CCNF: variants seen among roughly 807,000 people sequenced by gnomAD.
CCNF encodes the protein cyclin-F.
A neutral mutation model predicts 85.4 loss-of-function variants in CCNF; 30 were observed. The observed-to-expected ratio is 0.35, with a 90% CI of 0.26 to 0.48. CCNF has a LOEUF of 0.48. Ranked by LOEUF, CCNF falls within the 20% of genes least tolerant of loss-of-function variation. CCNF has a pLI of 0.99. For missense variants in CCNF, 919 were observed against 1,010.4 expected (o/e 0.91, Z 1.23); for synonymous variants, 439 against 425.1 (o/e 1.03, Z -0.40).
Position 2,438,065 on chromosome 16 carries a change from T to A in CCNF, c.541-5T>A, listed in dbSNP as rs2065301094. 1.2e-6 allele frequency: 2 copies of A among 1,607,342 alleles called. No homozygotes were observed. The highest frequency in any genetic ancestry group is 1.7e-6 in the Non-Finnish European group (2 of 1,173,878). ...AAATCACACTTCTTTCTCCTTTTTT[T>A]AAAGACTCACAAAGCATCCATATTG... On this transcript the variant is annotated splice_region_variant and splice_polypyrimidine_tract_variant and intron_variant, in intron 5 of 16. Coordinates refer to ENST00000397066, the MANE Select transcript of CCNF (RefSeq NM_001761.3).
chr16:2,457,171 G>A lies in CCNF; in HGVS notation c.*151G>A, dbSNP rs1463271523. The A allele has an allele frequency of 1.0e-5, 6 of 596,556 alleles. No individual in the cohort carries two copies. Among genetic ancestry groups the A allele is most frequent in the Middle Eastern group, 4.4e-4 (1 of 2,282 alleles). 37.0% of individuals were successfully genotyped at this position (596,556 alleles called of 1,614,324 possible). ...GCGGCCACCAAGTTTCTGTCTCCGCGGGAGTCCCGTGCAAGCCATCAGAAT... is the reference window on the plus strand; with the variant it reads ...GCGGCCACCAAGTTTCTGTCTCCGCAGGAGTCCCGTGCAAGCCATCAGAAT... On this transcript the variant is annotated 3_prime_UTR_variant, in exon 17 of 17. Transcript: ENST00000397066.
chr16:2,431,905 A>G (rs1347919574), intron 2 of CCNF, among the ~76,000 whole-genome samples: 3 of 149,408 alleles, frequency 2.0e-5, no homozygotes, highest in Admixed American at 6.7e-5. Context: ...ATCTCGGCTC[A>G]CTGCAAGTTC....
At chr16:2,437,618 G>A in intron 5 of CCNF, 1 of 373,244 alleles carries the variant, frequency 2.7e-6, no homozygotes, top group Non-Finnish European at 4.9e-6. Context: ...GCCAGGTGTG[G>A]TGGCTCACGC....
chr16:2,449,538 G>A, intron 12 of CCNF, 76 bp downstream of exon 12: 1 of 1,421,350 alleles, frequency 7.0e-7, no homozygotes, highest in Non-Finnish European at 9.5e-7. Flanking sequence ...GGGAGGAAAA[G>A]AGTCCAGCAT....
intron 1 of CCNF, 137 bp from the exon 2 acceptor site, chr16:2,430,993 C>A: frequency 1.1e-6 from 1 of 913,272 alleles, no homozygotes; most frequent in Non-Finnish European, 1.8e-6. Context: ...AAGCATAGTT[C>A]CATCTTTTGT....
intron 4 of CCNF, 120 bp from the exon 5 acceptor site, chr16:2,437,009 C>A: frequency 1.5e-6 from 1 of 681,512 alleles, no homozygotes; most frequent in Non-Finnish European, 2.1e-6. Flanking sequence ...TCTCCTGAAA[C>A]ACAGCTGCTT....
intron 3 of CCNF, 47 bp from the exon 4 acceptor site, chr16:2,435,759 G>T: frequency 1.4e-6 from 2 of 1,444,706 alleles, no homozygotes; most frequent in Non-Finnish European, 1.9e-6. Flanking sequence ...AGTTCATAAC[G>T]TTTGTGGCAT....
In CCNF at chr16:2,456,625, G is replaced by A. The variant is rs769642353; in HGVS notation, c.1966G>A (p.Glu656Lys). 1.2e-6 allele frequency: 2 copies of A among 1,609,808 alleles called. No individual in the cohort carries two copies. The highest frequency in any genetic ancestry group is 2.2e-5 in the East Asian group (1 of 44,856). The stretch of plus-strand genomic sequence containing the variant: ...GCATTGCTGCCAGGAATCCAGTGAT[G>A]AGGAGGCTTGTCCAGAGGACAAGGG... ...EQHCCQESSD[E>K]EACPEDKGPQ... is the part of the protein sequence containing the mutation. Residue 656 changes from glutamate (E) to lysine (K), a missense_variant, in exon 17 of 17, where the codon GAG (glutamate) becomes AAG (lysine). Physicochemically the swap from Glu to Lys is moderately conservative, Grantham distance 56. This residue lies in a region of CCNF where 505 missense variants were observed against 514.8 expected (regional missense o/e 0.98). Coordinates refer to ENST00000397066, the MANE Select transcript of CCNF (RefSeq NM_001761.3). This position sits in a 1 kb window ranked among gnomAD's most constrained non-coding sequence, Gnocchi z 4.5.
chr16:2,445,777 G>T (rs1326181890), intron 10 of CCNF, among the ~76,000 whole-genome samples, 155 bp downstream of exon 10: 1 of 147,132 alleles, frequency 6.8e-6, no homozygotes, highest in South Asian at 2.1e-4. Flanking sequence ...ACCCAGGCTG[G>T]AGTGCAGTGG....
In CCNF at chr16:2,458,343, C is replaced by T. The variant is rs1170416187; in HGVS notation, c.*1323C>T. The T allele has an allele frequency of 1.3e-5, 2 of 151,572 alleles. No individual in the cohort carries two copies. Among genetic ancestry groups the T allele is most frequent in the African/African-American group, 2.4e-5 (1 of 41,106 alleles). 9.4% of individuals were successfully genotyped at this position (151,572 alleles called of 1,614,324 possible). A position where few individuals can be genotyped will look rare whatever the true frequency, so the allele number is the denominator to read the frequency against. Reference sequence around the variant, plus strand: ...ATCTCAACTCTCAACTCACTGTAACCTCCGCCTCCCGGATACTCCTGCCTC... The same window carrying T: ...ATCTCAACTCTCAACTCACTGTAACTTCCGCCTCCCGGATACTCCTGCCTC... On this transcript the variant is annotated 3_prime_UTR_variant, in exon 17 of 17. Coordinates refer to ENST00000397066, the MANE Select transcript of CCNF (RefSeq NM_001761.3).
At chr16:2,449,795 T>TCCCCTCCAA (rs770069823) in intron 12 of CCNF, 33 bp from the exon 13 acceptor site, 1 of 484,138 alleles carries the variant, frequency 2.1e-6, no homozygotes, top group Non-Finnish European at 4.0e-6. Context: ...GTCCCCTCCA[T>TCCCCTCCAA]CCCCTCCACC....
chr16:2,455,997 CAAA>C (rs941159509), intron 16 of CCNF, among the ~76,000 whole-genome samples: 7 of 152,176 alleles, frequency 4.6e-5, no homozygotes, highest in Admixed American at 1.3e-4. Context: ...CACAGCAAGA[CAAA>C]AAATTTAAAA....
At chr16:2,446,792 ATC>A (rs769388208) in intron 10 of CCNF, among the ~76,000 whole-genome samples, 95 of 152,200 alleles carry the variant, frequency 6.2e-4, no homozygotes, top group Admixed American at 2.9e-3. Flanking sequence ...TCCCATCTTA[ATC>A]TCTGCCACCA....
At chr16:2,447,097 C>T (rs2065366141) in intron 10 of CCNF, among the ~76,000 whole-genome samples, 1 of 152,142 alleles carries the variant, frequency 6.6e-6, no homozygotes, top group Non-Finnish European at 1.5e-5. Context: ...TCTGACTGCA[C>T]ATCCATCACT....
At chr16:2,450,724 T>C (rs565257877) in intron 13 of CCNF, among the ~76,000 whole-genome samples, 2 of 152,348 alleles carry the variant, frequency 1.3e-5, no homozygotes, top group East Asian at 3.9e-4. Context: ...CTGGCTGCTT[T>C]TGCGAATGGG....
intron 6 of CCNF, among the ~76,000 whole-genome samples, chr16:2,438,925 G>T (rs536266786): frequency 2.6e-5 from 4 of 151,882 alleles, no homozygotes; most frequent in African/African-American, 9.7e-5. Context: ...TTGAACCCGG[G>T]AAGCTGAGGT....
rs1207862680 is a variant in CCNF at position 2,452,251 on chromosome 16, C to T, written c.1488-959C>T. ...CCCTTGAGCAGCCCCTTCTGTGGCCCATCTGCTTTTTCTCCCACCATGCTG... is the reference window on the plus strand; with the variant it reads ...CCCTTGAGCAGCCCCTTCTGTGGCCTATCTGCTTTTTCTCCCACCATGCTG... On this transcript the variant is annotated intron_variant, in intron 13 of 16. Coordinates refer to ENST00000397066, the MANE Select transcript of CCNF (RefSeq NM_001761.3). The surrounding 1 kb of genome is among the most constrained non-coding windows in gnomAD (Gnocchi z 4.1). Among the ~76,000 whole-genome samples, 2 of 152,208 alleles carry T rather than the reference C, an allele frequency of 1.3e-5. No homozygotes were observed. The highest frequency in any genetic ancestry group is 2.9e-5 in the Non-Finnish European group (2 of 68,044).
intron 8 of CCNF, among the ~76,000 whole-genome samples, chr16:2,441,566 C>G (rs1415890917): frequency 6.6e-6 from 1 of 152,060 alleles, no homozygotes; most frequent in Non-Finnish European, 1.5e-5. Flanking sequence ...CAGGAGTTCT[C>G]TCTGTTGCCC....
chr16:2,456,537 T>C lies in CCNF; in HGVS notation c.1886-8T>C, dbSNP rs769612325. On this transcript the variant is annotated splice_polypyrimidine_tract_variant and splice_region_variant and intron_variant, in intron 16 of 16. Coordinates refer to ENST00000397066, the MANE Select transcript of CCNF (RefSeq NM_001761.3). This position sits in a 1 kb window ranked among gnomAD's most constrained non-coding sequence, Gnocchi z 4.5. ...ACATGACTTCCCTCCCCACCAACCT[T>C]CCTGCAGTGACAGCTCCCAGCGGCA... The C allele has an allele frequency of 1.1e-5, 16 of 1,521,800 alleles. No homozygotes were observed. The highest frequency in any genetic ancestry group is 1.3e-5 in the Non-Finnish European group (15 of 1,135,884). The allele number at this position is 1,521,800 out of a possible 1,614,324, so 94.3% of individuals were successfully genotyped here.
Sources: allele counts gnomAD v4.1 joint callset (sites outside exome capture counted in the v4.1 genomes callset), GRCh38; gene constraint gnomAD v4.1.1; regional missense constraint gnomAD v4.1.1; non-coding constraint Gnocchi (gnomAD v3.1); transcripts MANE v1.5; gene names NCBI Gene and HGNC (gene_info 2026-07-23, HGNC 2026-07-21).